GRIN2A: variants seen among roughly 807,000 people sequenced by gnomAD.
GRIN2A encodes glutamate ionotropic receptor NMDA type subunit 2A.
In GRIN2A, 22 loss-of-function variants were observed where a neutral mutation model predicts 113.4. That is an observed-to-expected ratio of 0.19 (90% CI 0.14 to 0.28). The LOEUF (loss-of-function observed/expected upper bound fraction) is 0.28, where lower values mean the gene tolerates loss of function less well. Among genes scored for constraint, GRIN2A ranks in the 10% least tolerant of loss-of-function variants. The probability of loss-of-function intolerance (pLI) is 1.00; values close to 1 mark genes in which losing one functional copy is unlikely to be tolerated. For missense variants in GRIN2A, 1,502 were observed against 1,887.0 expected (o/e 0.80, Z 3.78); for synonymous variants, 827 against 738.4 (o/e 1.12, Z -1.94).
chr16:10,154,623 T>C (rs2049651521), intron 2 of GRIN2A, among the ~76,000 whole-genome samples: 1 of 152,162 alleles, frequency 6.6e-6, no homozygotes, highest in Non-Finnish European at 1.5e-5. Flanking sequence ...ACACTGTTCC[T>C]GTCCTCACTG....
At chr16:9,967,865 C>A (rs1433535547) in intron 2 of GRIN2A, among the ~76,000 whole-genome samples, 4 of 152,028 alleles carry the variant, frequency 2.6e-5, no homozygotes, top group Non-Finnish European at 4.4e-5. Flanking sequence ...ACCAAAAGCA[C>A]CTGTACCCCA....
chr16:9,938,321 T>A lies in GRIN2A; in HGVS notation c.645A>T (p.Thr215=). ...AGTGGATCTTCTTCAGCTGGACTTG[T>A]GTCTTTGCATCCTCAAAGGAAGTGT... The part of the protein sequence containing the change: ...TLDTSFEDAK[T]QVQLKKIHSS... The change falls in exon 3 of 13, where the codon ACA becomes ACT. Residue 215 remains threonine (T), a synonymous_variant. Transcript: ENST00000330684. 1 of 1,614,054 alleles carries A rather than the reference T, an allele frequency of 6.2e-7. No homozygotes were observed. The highest frequency in any genetic ancestry group is 1.3e-5 in the African/African-American group (1 of 75,044).
At chr16:9,973,823 C>A (rs1046723432) in intron 2 of GRIN2A, among the ~76,000 whole-genome samples, 1 of 152,048 alleles carries the variant, frequency 6.6e-6, no homozygotes, top group Non-Finnish European at 1.5e-5. Flanking sequence ...TGAAAATGCC[C>A]TTCAAGAATG....
chr16:9,834,044 T>C, intron 8 of GRIN2A, 61 bp downstream of exon 8: 1 of 1,566,084 alleles, frequency 6.4e-7, no homozygotes. Flanking sequence ...AAACTGAAAT[T>C]TTCATTAAAG....
chr16:10,094,017 T>G (rs1567293829), intron 2 of GRIN2A, among the ~76,000 whole-genome samples: 3 of 152,210 alleles, frequency 2.0e-5, no homozygotes. Context: ...CCATGTCTCC[T>G]GTCCTCCTAC....
intron 2 of GRIN2A, among the ~76,000 whole-genome samples, chr16:10,097,699 C>T (rs1357441555): frequency 6.6e-6 from 1 of 152,104 alleles, no homozygotes; most frequent in Non-Finnish European, 1.5e-5. Context: ...AAACTGCATC[C>T]GACCCTCCTG....
In GRIN2A at chr16:9,755,667, G is replaced by C; in HGVS notation, c.*7482C>G. ...AAATGTGGCTTAGACCATGGAGAGG[G>C]GGGAATGCAGGAAAGGCAGTGTGTG... On this transcript the variant is annotated 3_prime_UTR_variant, in exon 13 of 13. Transcript: ENST00000330684. 1 of 199,816 alleles carries C rather than the reference G, an allele frequency of 5.0e-6. No individual in the cohort carries two copies. The highest frequency in any genetic ancestry group is 7.6e-5 in the East Asian group (1 of 13,190). The allele number at this position is 199,816 out of a possible 1,614,324, so 12.4% of individuals were successfully genotyped here.
At chr16:10,156,193 C>T (rs1046841356) in intron 2 of GRIN2A, among the ~76,000 whole-genome samples, 1 of 152,194 alleles carries the variant, frequency 6.6e-6, no homozygotes, top group African/African-American at 2.4e-5. Context: ...AACTCTCTTG[C>T]TATGCATGAG....
At chr16:9,854,188 T>A (rs1351369483) in intron 4 of GRIN2A, among the ~76,000 whole-genome samples, 5 of 152,146 alleles carry the variant, frequency 3.3e-5, no homozygotes, top group African/African-American at 1.2e-4. Flanking sequence ...GAATGATTAA[T>A]GTGTCCATAT....
At chr16:9,884,218 T>C (rs900975502) in intron 4 of GRIN2A, among the ~76,000 whole-genome samples, 4 of 152,230 alleles carry the variant, frequency 2.6e-5, no homozygotes, top group South Asian at 2.1e-4. Flanking sequence ...TATGTGTATA[T>C]AGGTGTATGC....
chr16:9,940,017 T>TGAGAGA (rs71402418), intron 2 of GRIN2A, among the ~76,000 whole-genome samples: 29 of 134,438 alleles, frequency 2.2e-4, no homozygotes, highest in South Asian at 1.5e-3. Flanking sequence ...GGGATTCCAC[T>TGAGAGA]GAGAGAGAGA....
At chr16:10,010,031 G>C (rs558879589) in intron 2 of GRIN2A, among the ~76,000 whole-genome samples, 11 of 152,218 alleles carry the variant, frequency 7.2e-5, no homozygotes, top group Admixed American at 6.5e-5. Flanking sequence ...TCTACTCTAC[G>C]AGTGAGGAGC....
chr16:9,753,636 T>C lies in GRIN2A; in HGVS notation c.*9513A>G. ...ACCATAGTATATACTTCCTCTATCA[T>C]AGAAAGGTGTTAAGCAAACATATAA... On this transcript the variant is annotated 3_prime_UTR_variant, in exon 13 of 13. Transcript: ENST00000330684. 1 of 194,842 alleles carries C rather than the reference T, an allele frequency of 5.1e-6. No homozygotes were observed. The allele number at this position is 194,842 out of a possible 1,614,324, so 12.1% of individuals were successfully genotyped here. A position where few individuals can be genotyped will look rare whatever the true frequency, so the allele number is the denominator to read the frequency against.
At chr16:10,071,295 G>A (rs1218886376) in intron 2 of GRIN2A, among the ~76,000 whole-genome samples, 2 of 152,130 alleles carry the variant, frequency 1.3e-5, no homozygotes, top group African/African-American at 2.4e-5. Context: ...AAGCTTATTG[G>A]TTCTAGAAGA....
At chr16:9,830,523 T>C (rs571341688) in intron 8 of GRIN2A, among the ~76,000 whole-genome samples, 5 of 150,056 alleles carry the variant, frequency 3.3e-5, no homozygotes, top group African/African-American at 1.2e-4. Flanking sequence ...CCTAATTTCA[T>C]AGGGAAGGTT....
chr16:9,993,512 T>A (rs1051781310), intron 2 of GRIN2A, among the ~76,000 whole-genome samples: 2 of 151,794 alleles, frequency 1.3e-5, no homozygotes, highest in African/African-American at 4.8e-5. Context: ...GCTACGATCA[T>A]GACACTGCAC....
intron 7 of GRIN2A, among the ~76,000 whole-genome samples, chr16:9,834,542 T>A (rs374517922): frequency 2.0e-5 from 3 of 152,066 alleles, no homozygotes; most frequent in African/African-American, 7.2e-5. Flanking sequence ...CCACCATGCC[T>A]GGCTAATTTT....
At chr16:10,164,565 A>G (rs1272476079) in intron 2 of GRIN2A, among the ~76,000 whole-genome samples, 6 of 152,218 alleles carry the variant, frequency 3.9e-5, no homozygotes, top group Non-Finnish European at 8.8e-5. Context: ...CTGCTGAGAA[A>G]TTTTACATAT....
chr16:10,080,132 C>T (rs2047951034), intron 2 of GRIN2A, among the ~76,000 whole-genome samples: 1 of 152,320 alleles, frequency 6.6e-6, no homozygotes, highest in South Asian at 2.1e-4. Context: ...ATCTCCCTGC[C>T]TGGTTGCCAC....
Sources: gnomAD v4.1 joint callset for allele counts (sites outside exome capture counted in the v4.1 genomes callset) on GRCh38, gnomAD v4.1.1 for gene constraint, MANE v1.5 for transcripts, NCBI Gene and HGNC (gene_info 2026-07-23, HGNC 2026-07-21) for gene names.